LYPLAL1: variants seen among roughly 807,000 people sequenced by gnomAD.
LYPLAL1 encodes lysophospholipase like 1.
A neutral mutation model predicts 19.7 loss-of-function variants in LYPLAL1; 23 were observed. The observed-to-expected ratio is 1.17, with a 90% CI of 0.84 to 1.65. LYPLAL1 has a LOEUF of 1.65. Ranked by LOEUF, LYPLAL1 falls within the 40% of genes most tolerant of loss-of-function variation. LYPLAL1 has a pLI of 0.00. For synonymous variants in LYPLAL1, 119 were observed against 96.3 expected (o/e 1.24, Z -1.38); for missense variants, 355 against 279.4 (o/e 1.27, Z -1.93).
chr1:219,187,419 A>T (rs1181217956), intron 2 of LYPLAL1, among the ~76,000 whole-genome samples: 1 of 151,602 alleles, frequency 6.6e-6, no homozygotes, highest in African/African-American at 2.4e-5. Context: ...TCACTGTGGT[A>T]ATTTGGACTC....
At chr1:219,423,093 C>T in the LYPLAL1 span, among the ~76,000 whole-genome samples, 7 of 152,122 alleles carry the variant, frequency 4.6e-5, no homozygotes, top group Non-Finnish European at 1.0e-4. Context: ...TTTTTGCTCA[C>T]AGAGTTCATT....
chr1:219,208,442 T>C (rs756218967), intron 3 of LYPLAL1, among the ~76,000 whole-genome samples: 9 of 152,220 alleles, frequency 5.9e-5, no homozygotes, highest in Non-Finnish European at 1.0e-4. Flanking sequence ...ATGTTGTCTC[T>C]TTGATAAGCT....
chr1:219,346,670 A>C, the LYPLAL1 span, among the ~76,000 whole-genome samples: 1 of 152,144 alleles, frequency 6.6e-6, no homozygotes, highest in African/African-American at 2.4e-5. Context: ...GACAGGTGGA[A>C]GGTTTGGGGG....
the LYPLAL1 span, among the ~76,000 whole-genome samples, chr1:219,385,837 A>G: frequency 6.6e-6 from 1 of 152,178 alleles, no homozygotes; most frequent in African/African-American, 2.4e-5. Context: ...AAAGACTTCC[A>G]AGCAGAGAGA....
chr1:219,240,958 C>T, the LYPLAL1 span, among the ~76,000 whole-genome samples: 32 of 151,622 alleles, frequency 2.1e-4, no homozygotes, highest in Admixed American at 1.6e-3. Context: ...TATTCAGGGA[C>T]GCTTAGGCAG....
chr1:219,257,123 C>T, the LYPLAL1 span, among the ~76,000 whole-genome samples: 1 of 151,848 alleles, frequency 6.6e-6, no homozygotes, highest in Non-Finnish European at 1.5e-5. Flanking sequence ...GCTTGTTCTA[C>T]TTTATCATTT....
chr1:219,311,466 T>C, the LYPLAL1 span, among the ~76,000 whole-genome samples: 2 of 151,896 alleles, frequency 1.3e-5, no homozygotes, highest in Non-Finnish European at 2.9e-5. Flanking sequence ...ATTCCCCCCA[T>C]ACCAACACCA....
chr1:219,295,424 G>A, the LYPLAL1 span, among the ~76,000 whole-genome samples: 1 of 152,092 alleles, frequency 6.6e-6, no homozygotes, highest in African/African-American at 2.4e-5. Flanking sequence ...TAGCTCTGAA[G>A]TCATGAATTA....
the LYPLAL1 span, among the ~76,000 whole-genome samples, chr1:219,310,028 G>A: frequency 1.3e-5 from 2 of 152,162 alleles, no homozygotes; most frequent in African/African-American, 2.4e-5. Flanking sequence ...CATTTAAAAG[G>A]TAGTGATAGT....
chr1:219,373,633 A>T, the LYPLAL1 span, among the ~76,000 whole-genome samples: 1 of 152,118 alleles, frequency 6.6e-6, no homozygotes, highest in African/African-American at 2.4e-5. Context: ...TAACAATTGG[A>T]ATCTAACTAC....
chr1:219,206,189 T>C (rs963870382), intron 3 of LYPLAL1, among the ~76,000 whole-genome samples: 1 of 152,136 alleles, frequency 6.6e-6, no homozygotes, highest in African/African-American at 2.4e-5. Flanking sequence ...TTATTTTATA[T>C]AAAGAGTTCA....
the LYPLAL1 span, among the ~76,000 whole-genome samples, chr1:219,419,772 C>T: frequency 6.6e-6 from 1 of 152,126 alleles, no homozygotes; most frequent in African/African-American, 2.4e-5. Context: ...TGTCCCAGGA[C>T]ATCACCAACA....
chr1:219,416,775 A>G, the LYPLAL1 span, among the ~76,000 whole-genome samples: 1 of 152,132 alleles, frequency 6.6e-6, no homozygotes. Flanking sequence ...TATGCTAGTG[A>G]GCAGTAAGGG....
At chr1:219,408,446 C>T in the LYPLAL1 span, among the ~76,000 whole-genome samples, 1 of 152,004 alleles carries the variant, frequency 6.6e-6, no homozygotes, top group Non-Finnish European at 1.5e-5. Flanking sequence ...CCACTAAGAG[C>T]TTGTGCTGAA....
chr1:219,301,767 C>CAG, the LYPLAL1 span, among the ~76,000 whole-genome samples: 48,938 of 151,866 alleles, frequency 0.32, 8,316 homozygotes, highest in East Asian at 0.6. Context: ...TTTTAACTAA[C>CAG]AGTTATTTTT....
chr1:219,374,624 T>G, the LYPLAL1 span, among the ~76,000 whole-genome samples: 4 of 152,242 alleles, frequency 2.6e-5, no homozygotes, highest in African/African-American at 9.6e-5. Flanking sequence ...ATTTCTAACA[T>G]TAGGATCATG....
At chr1:219,385,231 G>A in the LYPLAL1 span, among the ~76,000 whole-genome samples, 7 of 152,094 alleles carry the variant, frequency 4.6e-5, no homozygotes, top group African/African-American at 1.4e-4. Flanking sequence ...TGCCAGAATC[G>A]AACTTCTATA....
chr1:219,296,612 A>G, the LYPLAL1 span, among the ~76,000 whole-genome samples: 7 of 152,182 alleles, frequency 4.6e-5, no homozygotes, highest in African/African-American at 1.4e-4. Context: ...GGAAGCTAAC[A>G]AAACACCCTT....
the LYPLAL1 span, among the ~76,000 whole-genome samples, chr1:219,404,045 A>G: frequency 6.6e-6 from 1 of 152,102 alleles, no homozygotes; most frequent in African/African-American, 2.4e-5. Context: ...CCTTCTGGCT[A>G]TGTCCTCACA....
Sources: allele counts gnomAD v4.1 joint callset (sites outside exome capture counted in the v4.1 genomes callset), GRCh38; gene constraint gnomAD v4.1.1; transcripts MANE v1.5; gene names NCBI Gene and HGNC (gene_info 2026-07-23, HGNC 2026-07-21).